GTF3C1: variants seen among roughly 807,000 people sequenced by gnomAD.
GTF3C1 encodes general transcription factor IIIC subunit 1.
A neutral mutation model predicts 226.7 loss-of-function variants in GTF3C1; 57 were observed. The observed-to-expected ratio is 0.25, with a 90% CI of 0.20 to 0.31. The LOEUF (loss-of-function observed/expected upper bound fraction) is 0.31. Among genes scored for constraint, GTF3C1 ranks in the 10% least tolerant of loss-of-function variants. The probability of loss-of-function intolerance (pLI) is 1.00; values close to 1 mark genes in which losing one functional copy is unlikely to be tolerated. For missense variants in GTF3C1, 2,217 were observed against 2,776.1 expected (o/e 0.80, Z 4.53); for synonymous variants, 1,090 against 1,084.8 (o/e 1.00, Z -0.09).
intron 26 of GTF3C1, among the ~76,000 whole-genome samples, chr16:27,481,604 G>A (rs974115225): frequency 1.3e-5 from 2 of 152,070 alleles, no homozygotes; most frequent in African/African-American, 2.4e-5. Flanking sequence ...CACACTCCAC[G>A]GGTGGCCCCC....
At position 27,463,337 on chromosome 16, in the gene GTF3C1, C is replaced by T. The variant is rs915913345; in HGVS notation, c.5924+204G>A. On this transcript the variant is annotated intron_variant, in intron 35 of 36. Coordinates refer to ENST00000356183, the MANE Select transcript of GTF3C1 (RefSeq NM_001520.4). This position sits in a 1 kb window ranked among gnomAD's most constrained non-coding sequence, Gnocchi z 4.9. ...TGGAAGCGCAGCCCTCATTCCAGGC[C>T]GACCTGGGCACTGCCAGTGCTCAGC... 8 of 608,422 alleles carry T rather than the reference C, an allele frequency of 1.3e-5. No homozygotes were observed. Among genetic ancestry groups the T allele is most frequent in the African/African-American group, 7.5e-5 (4 of 53,638 alleles). The allele number at this position is 608,422 out of a possible 1,614,324, so 37.7% of individuals were successfully genotyped here.
At chr16:27,486,285 T>G (rs1285756120) in intron 23 of GTF3C1, 131 bp from the exon 24 acceptor site, 1 of 558,522 alleles carries the variant, frequency 1.8e-6, no homozygotes, top group African/African-American at 1.9e-5. Flanking sequence ...ATACTCATTG[T>G]ATCTAAAGTC....
In GTF3C1 at chr16:27,470,105, T is replaced by G. The variant is rs2087845744; in HGVS notation, c.4814+3A>C. 2 of 1,611,058 alleles carry G rather than the reference T, an allele frequency of 1.2e-6. No individual in the cohort carries two copies. Among genetic ancestry groups the G allele is most frequent in the Admixed American group, 3.3e-5 (2 of 59,776 alleles). ...CCTGATGCTGCGGATGCCGGACTCT[T>G]ACCTTTTGATGACCTCATTCTCCAC... is the stretch of plus-strand genomic sequence containing the variant. On this transcript the variant is annotated splice_donor_region_variant and intron_variant, in intron 31 of 36. Coordinates refer to ENST00000356183, the MANE Select transcript of GTF3C1 (RefSeq NM_001520.4). This position sits in a 1 kb window ranked among gnomAD's most constrained non-coding sequence, Gnocchi z 4.9.
chr16:27,491,059 G>C (rs1401822135), intron 19 of GTF3C1, among the ~76,000 whole-genome samples: 1 of 152,216 alleles, frequency 6.6e-6, no homozygotes, highest in African/African-American at 2.4e-5. Context: ...ATTGGCAAAA[G>C]CCTAGCTCAC....
chr16:27,529,865 C>T (rs368367259), intron 5 of GTF3C1, among the ~76,000 whole-genome samples: 2 of 152,204 alleles, frequency 1.3e-5, no homozygotes, highest in African/African-American at 2.4e-5. Flanking sequence ...ACGTCAGTTG[C>T]CATTTATCAC....
chr16:27,525,103 A>T (rs563785798), intron 6 of GTF3C1, among the ~76,000 whole-genome samples: 26 of 152,270 alleles, frequency 1.7e-4, no homozygotes, highest in African/African-American at 5.5e-4. Context: ...GTGAGCCAAG[A>T]TCATGCAACT....
At chr16:27,481,545 T>G (rs549196161) in intron 26 of GTF3C1, among the ~76,000 whole-genome samples, 1 of 152,196 alleles carries the variant, frequency 6.6e-6, no homozygotes, top group South Asian at 2.1e-4. Context: ...CCAGGCCTGG[T>G]GTTCCCTGGT....
At chr16:27,510,953 G>A (rs1276130121) in intron 7 of GTF3C1, among the ~76,000 whole-genome samples, 2 of 152,198 alleles carry the variant, frequency 1.3e-5, no homozygotes, top group African/African-American at 4.8e-5. Flanking sequence ...TGCTTTCTAT[G>A]CACCAGGCCC....
chr16:27,501,429 CGGTACCCAATAGAAACAA>C (rs2088402465), intron 11 of GTF3C1, 85 bp from the exon 12 acceptor site: 1 of 1,212,418 alleles, frequency 8.2e-7, no homozygotes, highest in Non-Finnish European at 1.2e-6. Context: ...ACATGCCTCA[CGGTACCCAATAGAAACAA>C]GGAAGGATCA....
At position 27,463,714 on chromosome 16, in the gene GTF3C1, C is replaced by A; in HGVS notation, c.5873-122G>T. 2.3e-5 allele frequency: 16 copies of A among 709,756 alleles called. No homozygotes were observed. The highest frequency in any genetic ancestry group is 9.2e-5 in the South Asian group (6 of 65,332). 44.0% of individuals were successfully genotyped at this position (709,756 alleles called of 1,614,324 possible). ...CCTCGAGGCTCAGGGGATGAAGTGT[C>A]AAAAAAAAAGGACAATGAGCATCTC... On this transcript the variant is annotated intron_variant, in intron 34 of 36. Transcript: ENST00000356183. This position sits in a 1 kb window ranked among gnomAD's most constrained non-coding sequence, Gnocchi z 4.9.
intron 6 of GTF3C1, 45 bp downstream of exon 6, chr16:27,528,553 G>C (rs767390344): frequency 1.1e-5 from 17 of 1,528,798 alleles, no homozygotes; most frequent in Admixed American, 1.8e-5. Flanking sequence ...AGACAGAAGT[G>C]AGAGCCAGCC....
At position 27,464,629 on chromosome 16, in the gene GTF3C1, GAGA is replaced by G. The variant is rs750972619; in HGVS notation, c.5560_5562del (p.Ser1854del). On this transcript the variant is annotated inframe_deletion, in exon 34 of 37. Coordinates refer to ENST00000356183, the MANE Select transcript of GTF3C1 (RefSeq NM_001520.4). ...CGCCTCTTGGTGCCCCGGGGGCTGT[GAGA>G]AGGAGGTGCCTGCCCCTCGGGGGGG... 2 of 1,509,804 alleles carry G rather than the reference GAGA, an allele frequency of 1.3e-6. No homozygotes were observed. Among genetic ancestry groups the G allele is most frequent in the Non-Finnish European group, 8.8e-7 (1 of 1,129,970 alleles). The allele number at this position is 1,509,804 out of a possible 1,614,324, so 93.5% of individuals were successfully genotyped here.
rs902322830 is a variant in GTF3C1 at position 27,461,061 on chromosome 16, C to A, written c.*289G>T. 2.8e-6 allele frequency: 1 copy of A among 360,640 alleles called. No individual in the cohort carries two copies. The highest frequency in any genetic ancestry group is 2.0e-5 in the African/African-American group (1 of 49,982). 22.3% of individuals were successfully genotyped at this position (360,640 alleles called of 1,614,324 possible). On this transcript the variant is annotated 3_prime_UTR_variant, in exon 37 of 37. Coordinates refer to ENST00000356183, the MANE Select transcript of GTF3C1 (RefSeq NM_001520.4). This position sits in a 1 kb window ranked among gnomAD's most constrained non-coding sequence, Gnocchi z 5.3. ...GAATGTGAGGTGTGCACAGGCGGGGCAAACTCTGGAGACCCAGAGACAAGA... is the reference window on the plus strand; with the variant it reads ...GAATGTGAGGTGTGCACAGGCGGGGAAAACTCTGGAGACCCAGAGACAAGA...
At chr16:27,499,378 G>A (rs1308141225) in intron 12 of GTF3C1, among the ~76,000 whole-genome samples, 1 of 152,214 alleles carries the variant, frequency 6.6e-6, no homozygotes, top group Non-Finnish European at 1.5e-5. Flanking sequence ...GGTGGAGTGG[G>A]GCAGGGTGTG....
chr16:27,489,453 T>A, intron 20 of GTF3C1, 149 bp downstream of exon 20: 1 of 637,612 alleles, frequency 1.6e-6, no homozygotes, highest in Admixed American at 3.0e-5. Flanking sequence ...CTAAATAAAG[T>A]ATGTCTGGAG....
Position 27,470,020 on chromosome 16 carries a change from C to G in GTF3C1, c.4814+88G>C. 9.3e-7 allele frequency: 1 copy of G among 1,070,802 alleles called. No individual in the cohort carries two copies. Among genetic ancestry groups the G allele is most frequent in the South Asian group, 1.5e-5 (1 of 66,752 alleles). The allele number at this position is 1,070,802 out of a possible 1,614,324, so 66.3% of individuals were successfully genotyped here. On this transcript the variant is annotated intron_variant, in intron 31 of 36. Transcript: ENST00000356183. This position sits in a 1 kb window ranked among gnomAD's most constrained non-coding sequence, Gnocchi z 4.9. The stretch of plus-strand genomic sequence containing the variant: ...CTGCAACTCCCATCCCACAAGCTCC[C>G]AGAAGGCACTGCTGACCCCTGCCCG...
intron 12 of GTF3C1, 70 bp downstream of exon 12, chr16:27,501,121 C>T: frequency 7.8e-7 from 1 of 1,287,024 alleles, no homozygotes; most frequent in African/African-American, 1.5e-5. Flanking sequence ...ACAGCAATGA[C>T]AAGAGAAGCT....
At chr16:27,494,734 C>T in intron 16 of GTF3C1, 29 bp downstream of exon 16, 1 of 1,582,998 alleles carries the variant, frequency 6.3e-7, no homozygotes, top group Non-Finnish European at 8.7e-7. Flanking sequence ...AGGGGCAATT[C>T]CTGTGATAAT....
At position 27,471,723 on chromosome 16, in the gene GTF3C1, C is replaced by A; in HGVS notation, c.4526+25G>T. On this transcript the variant is annotated intron_variant, in intron 30 of 36. Transcript: ENST00000356183. The surrounding 1 kb of genome is among the most constrained non-coding windows in gnomAD (Gnocchi z 5.0). Reference sequence around the variant, plus strand: ...CAGGGCGTGGCTCCACCTCGGAGTACCCAAGGCTCCTGACAGGTACTCACC... The same window carrying A: ...CAGGGCGTGGCTCCACCTCGGAGTAACCAAGGCTCCTGACAGGTACTCACC... 6.3e-7 allele frequency: 1 copy of A among 1,593,248 alleles called. No individual in the cohort carries two copies. The highest frequency in any genetic ancestry group is 2.2e-5 in the East Asian group (1 of 44,702).
Sources: allele counts gnomAD v4.1 joint callset (sites outside exome capture counted in the v4.1 genomes callset), GRCh38; gene constraint gnomAD v4.1.1; non-coding constraint Gnocchi (gnomAD v3.1); transcripts MANE v1.5; gene names NCBI Gene and HGNC (gene_info 2026-07-23, HGNC 2026-07-21).